Variants in CDK14 observed in about 807,000 individuals in gnomAD.
CDK14 encodes cyclin-dependent kinase 14.
A neutral mutation model predicts 60.7 loss-of-function variants in CDK14; 34 were observed. The ratio of observed to expected loss-of-function variants is 0.56; its 90% CI spans 0.43 to 0.75. The LOEUF is 0.75. Among genes scored for constraint, CDK14 ranks in the 30% least tolerant of loss-of-function variants. CDK14 has a pLI of 0.00. For missense variants in CDK14, 482 were observed against 564.1 expected (o/e 0.85, Z 1.47); for synonymous variants, 197 against 203.7 (o/e 0.97, Z 0.28).
chr7:90,912,419 A>T (rs963774159), intron 7 of CDK14, among the ~76,000 whole-genome samples: 2 of 152,224 alleles, frequency 1.3e-5, no homozygotes, highest in Admixed American at 1.3e-4. Context: ...CCATGCATTT[A>T]TTCAGCATCA....
chr7:90,842,682 C>T (rs1170806707), intron 5 of CDK14, among the ~76,000 whole-genome samples: 1 of 151,984 alleles, frequency 6.6e-6, no homozygotes, highest in Admixed American at 6.6e-5. Flanking sequence ...CAAATGATGG[C>T]TTCATAGGAT....
At chr7:90,621,976 G>A (rs1799780424) in intron 2 of CDK14, among the ~76,000 whole-genome samples, 2 of 152,184 alleles carry the variant, frequency 1.3e-5, no homozygotes, top group South Asian at 4.1e-4. Flanking sequence ...GCCTTTGAAA[G>A]GGAACATTGA....
intron 2 of CDK14, among the ~76,000 whole-genome samples, chr7:90,640,521 G>A (rs961460619): frequency 2.0e-5 from 3 of 152,074 alleles, no homozygotes; most frequent in African/African-American, 7.2e-5. Flanking sequence ...GGATGGAGAG[G>A]AGGAATGAAA....
At chr7:91,057,823 T>A (rs2116091851) in intron 11 of CDK14, among the ~76,000 whole-genome samples, 1 of 152,324 alleles carries the variant, frequency 6.6e-6, no homozygotes, top group South Asian at 2.1e-4. Flanking sequence ...GTAGTATAGT[T>A]TGAAGTCAGG....
At chr7:90,659,323 C>T (rs886280595) in intron 2 of CDK14, among the ~76,000 whole-genome samples, 6 of 152,128 alleles carry the variant, frequency 3.9e-5, no homozygotes, top group African/African-American at 1.4e-4. Flanking sequence ...ACAATAATCC[C>T]TGTAAGTTTA....
chr7:91,153,443 C>T (rs1274018859), intron 14 of CDK14, among the ~76,000 whole-genome samples: 1 of 152,092 alleles, frequency 6.6e-6, no homozygotes, highest in Non-Finnish European at 1.5e-5. Context: ...ATGTTCATTG[C>T]AGCATTACTC....
chr7:90,610,660 T>C (rs986034498), intron 2 of CDK14, among the ~76,000 whole-genome samples: 3 of 152,178 alleles, frequency 2.0e-5, no homozygotes, highest in African/African-American at 7.2e-5. Flanking sequence ...TCCAGGCCTC[T>C]CCCCTTAGCT....
chr7:90,599,592 C>A (rs1243259680), intron 1 of CDK14, among the ~76,000 whole-genome samples: 3 of 152,212 alleles, frequency 2.0e-5, no homozygotes, highest in Non-Finnish European at 4.4e-5. Context: ...CATAGGCTGT[C>A]ATTGTTCCTT....
At chr7:90,667,086 G>A (rs1272345063) in intron 2 of CDK14, among the ~76,000 whole-genome samples, 2 of 151,904 alleles carry the variant, frequency 1.3e-5, no homozygotes, top group Non-Finnish European at 2.9e-5. Flanking sequence ...GCACATAATA[G>A]GTATAAATAA....
chr7:91,129,299 C>G (rs1474130553), intron 14 of CDK14, among the ~76,000 whole-genome samples: 2 of 152,178 alleles, frequency 1.3e-5, no homozygotes, highest in Non-Finnish European at 1.5e-5. Flanking sequence ...AACTGTATTC[C>G]TGGGCACTGT....
intron 9 of CDK14, among the ~76,000 whole-genome samples, chr7:90,976,149 A>G (rs776417511): frequency 1.3e-5 from 2 of 152,176 alleles, no homozygotes; most frequent in South Asian, 4.1e-4. Flanking sequence ...CTAACAGTAT[A>G]TAAGAGTTCC....
At chr7:90,928,732 C>G (rs1311525958) in intron 8 of CDK14, among the ~76,000 whole-genome samples, 1 of 152,164 alleles carries the variant, frequency 6.6e-6, no homozygotes, top group Non-Finnish European at 1.5e-5. Flanking sequence ...CTGGGAGAAC[C>G]ACTACTCTCT....
intron 14 of CDK14, among the ~76,000 whole-genome samples, chr7:91,175,899 A>G (rs1801730166): frequency 1.3e-5 from 2 of 148,910 alleles, no homozygotes; most frequent in Non-Finnish European, 3.0e-5. Context: ...AGACAGATCA[A>G]TGAGACAGAA....
chr7:91,182,618 A>C (rs2115887636), intron 14 of CDK14, among the ~76,000 whole-genome samples: 1 of 152,224 alleles, frequency 6.6e-6, no homozygotes, highest in Admixed American at 6.5e-5. Context: ...TTTATAATAT[A>C]AGCAAGTACG....
rs945984036 is a variant in CDK14, at chr7:90,709,382, T to C, written c.124-17185T>C. 2.4e-5 allele frequency: 33 copies of C among 1,368,560 alleles called. No homozygotes were observed. The Admixed American group carries it at 2.8e-4, about 12-fold the overall frequency. 84.8% of individuals were successfully genotyped at this position (1,368,560 alleles called of 1,614,324 possible). A position where few individuals can be genotyped will look rare whatever the true frequency, so the allele number is the denominator to read the frequency against. On this transcript the variant is annotated intron_variant, in intron 2 of 14. Coordinates refer to ENST00000380050, the MANE Select transcript of CDK14 (RefSeq NM_001287135.2). ...TCTCCAGTGCTCTTAAAAAATTGAATTGAGCATGATGAGGTGCATCCCCTT... is the reference window on the plus strand; with the variant it reads ...TCTCCAGTGCTCTTAAAAAATTGAACTGAGCATGATGAGGTGCATCCCCTT...
chr7:90,627,448 A>G (rs937122045), intron 2 of CDK14, among the ~76,000 whole-genome samples: 117 of 152,154 alleles, frequency 7.7e-4, no homozygotes, highest in African/African-American at 2.7e-3. Context: ...CCTGGGCTCA[A>G]GCAATCCTCG....
chr7:90,788,467 GAGA>G (rs1805691866), intron 4 of CDK14, among the ~76,000 whole-genome samples: 1 of 152,156 alleles, frequency 6.6e-6, no homozygotes, highest in Non-Finnish European at 1.5e-5. Context: ...ATATACTCAG[GAGA>G]AGAAGTTGCA....
intron 2 of CDK14, among the ~76,000 whole-genome samples, chr7:90,631,338 C>T (rs1280441665): frequency 1.3e-5 from 2 of 152,162 alleles, no homozygotes; most frequent in African/African-American, 4.8e-5. Context: ...ACCCACCGTT[C>T]TGCTTCACTT....
At chr7:90,994,418 T>A (rs539492102) in intron 10 of CDK14, among the ~76,000 whole-genome samples, 41 of 152,294 alleles carry the variant, frequency 2.7e-4, no homozygotes, top group African/African-American at 8.2e-4. Flanking sequence ...ATGCAGTAAC[T>A]CTCTCCTGGT....
Sources: gnomAD v4.1 joint callset for allele counts (sites outside exome capture counted in the v4.1 genomes callset) on GRCh38, gnomAD v4.1.1 for gene constraint, MANE v1.5 for transcripts, NCBI Gene and HGNC (gene_info 2026-07-23, HGNC 2026-07-21) for gene names.